The following SMARCA4 variants were observed in gnomAD, a reference collection of about 807,000 sequenced individuals.
The protein encoded by SMARCA4 is SWI/SNF related BAF chromatin remodeling complex subunit ATPase 4, also known as SWI/SNF-related matrix-associated actin-dependent regulator of chromatin subfamily A member 4.
A neutral mutation model predicts 193.9 loss-of-function variants in SMARCA4; 31 were observed. The observed-to-expected ratio is 0.16, with a 90% confidence interval of 0.12 to 0.22. The LOEUF (loss-of-function observed/expected upper bound fraction) is 0.22. SMARCA4 is among the 10% of genes least tolerant of loss of function. SMARCA4 has a pLI of 1.00. For synonymous variants in SMARCA4, 942 were observed against 933.1 expected (o/e 1.01, Z -0.17); for missense variants, 1,148 against 2,296.0 (o/e 0.50, Z 10.22).
chr19:11,002,479 A>C (rs2087730873), intron 11 of SMARCA4, among the ~76,000 whole-genome samples: 1 of 151,308 alleles, frequency 6.6e-6, no homozygotes, highest in Admixed American at 6.6e-5. Context: ...ACTCCATCTC[A>C]AAAAAATAAA....
chr19:11,050,149 G>T (rs552237671), intron 30 of SMARCA4, among the ~76,000 whole-genome samples: 4 of 152,244 alleles, frequency 2.6e-5, no homozygotes, highest in Non-Finnish European at 5.9e-5. Context: ...TGATGCTTGT[G>T]CTGAGGTCAG....
At chr19:11,060,382 T>C in intron 34 of SMARCA4, 195 bp downstream of exon 34, 1 of 689,022 alleles carries the variant, frequency 1.5e-6, no homozygotes, top group East Asian at 2.7e-5. Context: ...GCCAAGCCTG[T>C]GTGACCCCGG....
chr19:11,058,514 G>A lies in SMARCA4; in HGVS notation c.4533+151G>A. On this transcript the variant is annotated intron_variant, in intron 31 of 34. Transcript: ENST00000344626. This position sits in a 1 kb window ranked among gnomAD's most constrained non-coding sequence, Gnocchi z 5.8. ...CTACCTGGTTAGGGACCTGGTCGTG[G>A]GCTTTTGGGGTTCCTTGTAAGGGTT... 1 of 719,852 alleles carries A rather than the reference G, an allele frequency of 1.4e-6. No individual in the cohort carries two copies. Among genetic ancestry groups the A allele is most frequent in the South Asian group, 1.5e-5 (1 of 67,150 alleles). 44.6% of individuals were successfully genotyped at this position (719,852 alleles called of 1,614,324 possible). A position where few individuals can be genotyped will look rare whatever the true frequency, so the allele number is the denominator to read the frequency against.
intron 30 of SMARCA4, among the ~76,000 whole-genome samples, chr19:11,053,401 A>C (rs1600581808): frequency 6.6e-6 from 1 of 151,196 alleles, no homozygotes; most frequent in Non-Finnish European, 1.5e-5. Flanking sequence ...TCAGTAAGCC[A>C]AGATTGCACC....
Position 11,061,218 on chromosome 19 carries a change from T to A in SMARCA4, c.4912-566T>A, listed in dbSNP as rs1302581869. Among the ~76,000 whole-genome samples the A allele has an allele frequency of 3.2e-3, 358 of 112,682 alleles. 7 individuals are homozygous for A. The highest frequency in any genetic ancestry group is 7.8e-3 in the Middle Eastern group (2 of 258). The allele number at this position is 112,682 out of a possible 152,430, so 73.9% of individuals were successfully genotyped here. On this transcript the variant is annotated intron_variant, in intron 34 of 34. Transcript: ENST00000344626. Reference sequence around the variant, plus strand: ...AAAAAAAAAAAAATATATATATATATATATATATATATATATATATATATG... The same window carrying A: ...AAAAAAAAAAAAATATATATATATAAATATATATATATATATATATATATG...
chr19:10,993,086 A>G (rs1020805999), intron 8 of SMARCA4, among the ~76,000 whole-genome samples: 1 of 150,568 alleles, frequency 6.6e-6, no homozygotes, highest in African/African-American at 2.5e-5. Context: ...TCTGGGTTCA[A>G]GCGATTCTCC....
chr19:11,024,799 C>T (rs1323137850), intron 21 of SMARCA4, among the ~76,000 whole-genome samples: 1 of 152,142 alleles, frequency 6.6e-6, no homozygotes, highest in Non-Finnish European at 1.5e-5. Context: ...CCCCAGGCCC[C>T]ACCTGCCTGG....
At chr19:11,017,478 G>A (rs559230541) in intron 16 of SMARCA4, among the ~76,000 whole-genome samples, 1 of 152,360 alleles carries the variant, frequency 6.6e-6, no homozygotes, top group Non-Finnish European at 1.5e-5. Context: ...AAGAGGGCCC[G>A]CGCGCTAGGA....
rs1282377694 is a variant in SMARCA4, at chr19:10,986,587, C to T, written c.754C>T (p.Pro252Ser). 2 of 1,536,228 alleles carry T rather than the reference C, an allele frequency of 1.3e-6. No homozygotes were observed. Among genetic ancestry groups the T allele is most frequent in the Non-Finnish European group, 8.7e-7 (1 of 1,146,768 alleles). ...PGPAPPNYSR[P>S]HGMGGPNMPP... Reference sequence around the variant, plus strand: ...CCCGGCACCTCCAAATTACAGCAGGCCTCATGGTAAGACTGGCTGCCCTGG... The same window carrying T: ...CCCGGCACCTCCAAATTACAGCAGGTCTCATGGTAAGACTGGCTGCCCTGG... The change falls in exon 4 of 35, where the codon CCT becomes TCT. Residue 252 changes from proline to serine, a missense_variant. Pro to Ser is a moderately conservative substitution (Grantham distance 74). Transcript: ENST00000344626. The surrounding 1 kb of genome is among the most constrained non-coding windows in gnomAD (Gnocchi z 6.7).
At chr19:11,055,767 C>G (rs1312041989) in intron 30 of SMARCA4, among the ~76,000 whole-genome samples, 1 of 151,492 alleles carries the variant, frequency 6.6e-6, no homozygotes, top group Non-Finnish European at 1.5e-5. Flanking sequence ...TTTTTTTCCC[C>G]CAGTCAAATA....
At chr19:10,974,122 A>G (rs1568401376) in intron 1 of SMARCA4, among the ~76,000 whole-genome samples, 1 of 152,182 alleles carries the variant, frequency 6.6e-6, no homozygotes, top group Admixed American at 6.5e-5. Flanking sequence ...TGCAAGGTGA[A>G]AACAACCACC....
chr19:10,995,637 G>C (rs1373579034), intron 9 of SMARCA4: 7 of 383,606 alleles, frequency 1.8e-5, no homozygotes, highest in Non-Finnish European at 3.6e-5. Flanking sequence ...GCGGACAAAG[G>C]TTGAGGTGGC....
intron 13 of SMARCA4, among the ~76,000 whole-genome samples, chr19:11,006,264 G>A (rs2088189941): frequency 6.6e-6 from 1 of 152,196 alleles, no homozygotes; most frequent in South Asian, 2.1e-4. Flanking sequence ...ATCAATATGT[G>A]TTATGCAAAA....
At chr19:11,007,851 C>T (rs2146187338) in intron 13 of SMARCA4, 51 bp from the exon 14 acceptor site, 1 of 1,606,002 alleles carries the variant, frequency 6.2e-7, no homozygotes, top group Non-Finnish European at 8.5e-7. Context: ...GGAGTCCCGT[C>T]CCCCCTCTCT....
chr19:11,055,203 T>C (rs2147039925), intron 30 of SMARCA4, among the ~76,000 whole-genome samples: 1 of 152,238 alleles, frequency 6.6e-6, no homozygotes, highest in Middle Eastern at 3.4e-3. Context: ...TTTTGTTTGT[T>C]TTTTGAGACA....
At chr19:10,962,518 G>A (rs1249561798) in intron 1 of SMARCA4, among the ~76,000 whole-genome samples, 1 of 151,952 alleles carries the variant, frequency 6.6e-6, no homozygotes, top group African/African-American at 2.4e-5. Flanking sequence ...TGGAAGAGGG[G>A]GCCTCAAAAT....
chr19:10,979,168 G>A (rs762081716), intron 1 of SMARCA4, among the ~76,000 whole-genome samples: 15 of 151,846 alleles, frequency 9.9e-5, no homozygotes, highest in Non-Finnish European at 1.8e-4. Context: ...AGGTGGGACC[G>A]TGTGTGTAGA....
intron 13 of SMARCA4, among the ~76,000 whole-genome samples, chr19:11,006,801 C>T (rs75819592): frequency 3.3e-5 from 5 of 151,852 alleles, no homozygotes; most frequent in East Asian, 3.9e-4. Flanking sequence ...AAAGAAGCGT[C>T]GGGGCCGGGT....
At chr19:10,963,767 A>ATTTT (rs61382773) in intron 1 of SMARCA4, among the ~76,000 whole-genome samples, 5 of 141,088 alleles carry the variant, frequency 3.5e-5, no homozygotes, top group Non-Finnish European at 4.6e-5. Context: ...TGAACACTTG[A>ATTTT]TTTTTTTTTT....
Sources: allele counts gnomAD v4.1 joint callset (sites outside exome capture counted in the v4.1 genomes callset), GRCh38; gene constraint gnomAD v4.1.1; non-coding constraint Gnocchi (gnomAD v3.1); transcripts MANE v1.5; gene names NCBI Gene and HGNC (gene_info 2026-07-23, HGNC 2026-07-21).